Variants in SOX30 observed in about 807,000 individuals in gnomAD.
SOX30 encodes the protein transcription factor SOX-30.
A neutral mutation model predicts 58.6 loss-of-function variants in SOX30; 17 were observed. The observed-to-expected ratio is 0.29, with a 90% CI of 0.20 to 0.44. SOX30 has a LOEUF of 0.44. Among genes scored for constraint, SOX30 ranks in the 20% least tolerant of loss-of-function variants. The probability of loss-of-function intolerance (pLI) is 1.00; values close to 1 mark genes in which losing one functional copy is unlikely to be tolerated. For synonymous variants in SOX30, 421 were observed against 400.2 expected (o/e 1.05, Z -0.62); for missense variants, 951 against 965.8 (o/e 0.98, Z 0.20).
chr5:157,664,593 T>C (rs1244221174), intron 2 of SOX30, among the ~76,000 whole-genome samples: 2 of 152,064 alleles, frequency 1.3e-5, no homozygotes, highest in African/African-American at 4.8e-5. Context: ...AAGCCAAAAT[T>C]GACAAATGGG....
At chr5:157,647,624 G>A (rs1335094078) in intron 2 of SOX30, among the ~76,000 whole-genome samples, 2 of 151,898 alleles carry the variant, frequency 1.3e-5, no homozygotes, top group African/African-American at 2.4e-5. Flanking sequence ...GCACGATCTC[G>A]GCTCACTGCA....
chr5:157,652,699 AC>A (rs1759394499), upstream of SOX30, among the ~76,000 whole-genome samples: 1 of 152,228 alleles, frequency 6.6e-6, no homozygotes, highest in African/African-American at 2.4e-5. Flanking sequence ...TCAATTAATC[AC>A]CAGGCCCTGT....
intron 2 of SOX30, among the ~76,000 whole-genome samples, chr5:157,662,341 TTTA>T (rs1303734294): frequency 2.6e-5 from 4 of 152,164 alleles, no homozygotes; most frequent in African/African-American, 9.6e-5. Context: ...CTGTTTTCTT[TTTA>T]TTGATTTCTG....
At chr5:157,655,123 T>A (rs1176601918), upstream of SOX30, among the ~76,000 whole-genome samples, 1 of 152,166 alleles carries the variant, frequency 6.6e-6, no homozygotes, top group African/African-American at 2.4e-5. Context: ...GATTATAGTG[T>A]GTAAGCCCCC....
upstream of SOX30, among the ~76,000 whole-genome samples, chr5:157,655,059 T>C (rs1265710875): frequency 6.6e-6 from 1 of 152,212 alleles, no homozygotes; most frequent in East Asian, 1.9e-4. Context: ...AACCCTCTTT[T>C]GGGGTCTGGA....
chr5:157,647,307 C>T lies in SOX30; in HGVS notation c.1208-491G>A, dbSNP rs10476111. 2.8e-3 allele frequency among the ~76,000 whole-genome samples: 426 copies of T among 152,182 alleles called. 1 individual carries two copies. Among genetic ancestry groups the T allele is most frequent in the African/African-American group, 9.7e-3 (402 of 41,518 alleles). ...TGAACTCCTGACCTCGTGATCCGCCCGTCTCGGCCTCCCAAAGGCTGGGAT... is the reference window on the plus strand; with the variant it reads ...TGAACTCCTGACCTCGTGATCCGCCTGTCTCGGCCTCCCAAAGGCTGGGAT... On this transcript the variant is annotated intron_variant, in intron 2 of 4. Transcript: ENST00000265007.
intron 3 of SOX30, among the ~76,000 whole-genome samples, chr5:157,639,815 A>C (rs1452742265): frequency 6.6e-6 from 1 of 152,246 alleles, no homozygotes; most frequent in Non-Finnish European, 1.5e-5. Context: ...TCTCTGTCAT[A>C]GACTGAAAGA....
chr5:157,626,808 C>T (rs1758668954), intron 4 of SOX30, 87 bp from the exon 5 acceptor site: 2 of 1,441,314 alleles, frequency 1.4e-6, no homozygotes, highest in Admixed American at 2.3e-5. Flanking sequence ...AATGCCTCCT[C>T]TTTGGGGTTT....
At chr5:157,647,079 T>C (rs1759212164) in intron 2 of SOX30, among the ~76,000 whole-genome samples, 1 of 129,710 alleles carries the variant, frequency 7.7e-6, no homozygotes, top group Non-Finnish European at 1.6e-5. Context: ...TTTTTTTTTT[T>C]GAGACGGAGT....
At chr5:157,666,368 C>G (rs1759671121) in intron 2 of SOX30, among the ~76,000 whole-genome samples, 1 of 151,750 alleles carries the variant, frequency 6.6e-6, no homozygotes, top group African/African-American at 2.4e-5. Flanking sequence ...CTATGTTGCC[C>G]AAGCTGGTCT....
At position 157,642,986 on chromosome 5, in the gene SOX30, A is replaced by C. The variant is rs114949452; in HGVS notation, c.1387+3651T>G. On this transcript the variant is annotated intron_variant, in intron 3 of 4. Coordinates refer to ENST00000265007, the MANE Select transcript of SOX30 (RefSeq NM_178424.2). ...AAAGTAAATAGGTTAAAAATATTAG[A>C]TCAACTACAGTATAATGACAAGTTC... 4.0e-3 allele frequency among the ~76,000 whole-genome samples: 603 copies of C among 152,318 alleles called. 4 individuals are homozygous for C. The highest frequency in any genetic ancestry group is 0.014 in the African/African-American group (565 of 41,566).
chr5:157,650,726 T>C (rs554664331), intron 1 of SOX30, among the ~76,000 whole-genome samples: 3 of 152,356 alleles, frequency 2.0e-5, no homozygotes, highest in African/African-American at 7.2e-5. Flanking sequence ...TTCAACACCA[T>C]TATTTCTTCT....
rs1203457512 is a variant in SOX30 at position 157,652,312 on chromosome 5, G to GTCC, written c.-237_-235dup. ...GGTCCCTACTCTCGCCTCGTGCTGA[G>GTCC]TCCTCGAATCACCTGCCATGGTAGG... On this transcript the variant is annotated 5_prime_UTR_variant, in exon 1 of 5. Transcript: ENST00000265007. 1.6e-6 allele frequency: 2 copies of GTCC among 1,225,052 alleles called. No homozygotes were observed. Among genetic ancestry groups the GTCC allele is most frequent in the African/African-American group, 3.1e-5 (2 of 64,172 alleles). 75.9% of individuals were successfully genotyped at this position (1,225,052 alleles called of 1,614,324 possible).
chr5:157,667,771 C>CGT, intron 2 of SOX30: 1 of 1,457,850 alleles, frequency 6.9e-7, no homozygotes, highest in South Asian at 1.3e-5. Context: ...CATACACACA[C>CGT]ACACACACAC....
Position 157,626,268 on chromosome 5 carries a change from T to C in SOX30, c.*72A>G. 1.5e-6 allele frequency: 2 copies of C among 1,337,562 alleles called. No individual in the cohort carries two copies. The highest frequency in any genetic ancestry group is 2.0e-6 in the Non-Finnish European group (2 of 996,258). 82.9% of individuals were successfully genotyped at this position (1,337,562 alleles called of 1,614,324 possible). A position where few individuals can be genotyped will look rare whatever the true frequency, so the allele number is the denominator to read the frequency against. On this transcript the variant is annotated 3_prime_UTR_variant, in exon 5 of 5. Transcript: ENST00000265007. ...TTTCAACAAAGAATTCTAGGCTTTT[T>C]TTTTTCTCATACCAACTGACCCAGA...
In SOX30 at chr5:157,651,350, G is replaced by A; in HGVS notation, c.729C>T (p.Ile243=). Residue 243 remains isoleucine, a synonymous_variant, in exon 1 of 5, where the codon ATC becomes ATT. Coordinates refer to ENST00000265007, the MANE Select transcript of SOX30 (RefSeq NM_178424.2). ...NGLVHGSAEV[I]LAPTSGAFGP... is the part of the protein sequence containing the mutation. ...CAAAGGCACCGGACGTTGGGGCCAA[G>A]ATGACCTCCGCGCTGCCATGAACCA... The A allele has an allele frequency of 6.2e-7, 1 of 1,613,886 alleles. No homozygotes were observed. Among genetic ancestry groups the A allele is most frequent in the South Asian group, 1.1e-5 (1 of 91,078 alleles).
chr5:157,634,361 A>T (rs981816426), intron 4 of SOX30, among the ~76,000 whole-genome samples: 1 of 152,076 alleles, frequency 6.6e-6, no homozygotes, highest in African/African-American at 2.4e-5. Flanking sequence ...CTACAGGCAC[A>T]TGCCACCACG....
intron 1 of SOX30, among the ~76,000 whole-genome samples, chr5:157,670,634 G>A (rs57842702): frequency 0.042 from 6,386 of 152,226 alleles, 210 homozygotes; most frequent in East Asian, 0.1. Context: ...TAGCTTGAGG[G>A]AGAGGGAGGG....
intron 2 of SOX30, among the ~76,000 whole-genome samples, chr5:157,664,778 G>T (rs1005953543): frequency 1.3e-5 from 2 of 152,186 alleles, no homozygotes; most frequent in African/African-American, 2.4e-5. Flanking sequence ...CCATCAAAAA[G>T]TGGGTGAAGG....
Sources: allele counts gnomAD v4.1 joint callset (sites outside exome capture counted in the v4.1 genomes callset), GRCh38; gene constraint gnomAD v4.1.1; transcripts MANE v1.5; gene names NCBI Gene and HGNC (gene_info 2026-07-23, HGNC 2026-07-21).